Variants in TMEM233 observed in about 807,000 individuals in gnomAD.
The protein encoded by TMEM233 is dispanin subfamily B member 2.
Under a neutral mutation model 11.2 loss-of-function variants are expected in TMEM233, and 6 were observed. That is an observed-to-expected ratio of 0.54 (90% CI 0.29 to 1.06). The LOEUF is 1.06. TMEM233 is among the 50% of genes least tolerant of loss of function. The pLI is 0.08. For missense variants in TMEM233, 127 were observed against 144.7 expected, an observed-to-expected ratio of 0.88 and a Z score of 0.63; for synonymous variants, 59 against 55.8, an observed-to-expected ratio of 1.06 and a Z score of -0.26.
intron 2 of TMEM233, among the ~76,000 whole-genome samples, chr12:119,640,153 G>GTTGTT (rs10678794): frequency 0.76 from 115,251 of 150,984 alleles, 44,174 homozygotes; most frequent in Middle Eastern, 0.85. Context: ...GTTTGTTGTT[G>GTTGTT]TTGTTTTGTT....
At chr12:119,598,767 C>T (rs1276824294) in intron 1 of TMEM233, among the ~76,000 whole-genome samples, 1 of 152,182 alleles carries the variant, frequency 6.6e-6, no homozygotes. Context: ...TGATTTTATG[C>T]AAGTGCCTCG....
chr12:119,642,259 C>T lies in TMEM233; in HGVS notation c.*1554C>T, dbSNP rs1955092357. The T allele has an allele frequency of 6.6e-6, 1 of 152,016 alleles. No individual in the cohort carries two copies. The highest frequency in any genetic ancestry group is 1.5e-5 in the Non-Finnish European group (1 of 68,026). The allele number at this position is 152,016 out of a possible 1,614,324, so 9.4% of individuals were successfully genotyped here. ...GTCAGGAGTTTGAGACCAGCCTGAC[C>T]AACATGGTGAAACTCCATCTCTACT... On this transcript the variant is annotated 3_prime_UTR_variant, in exon 3 of 3. Transcript: ENST00000426426.
chr12:119,596,950 G>A (rs1050971594), intron 1 of TMEM233, among the ~76,000 whole-genome samples: 2 of 152,234 alleles, frequency 1.3e-5, no homozygotes, highest in African/African-American at 4.8e-5. Flanking sequence ...TCAGACAGAT[G>A]TATAGATTTG....
At chr12:119,605,156 A>G (rs1954247724) in intron 1 of TMEM233, among the ~76,000 whole-genome samples, 1 of 151,846 alleles carries the variant, frequency 6.6e-6, no homozygotes, top group South Asian at 2.1e-4. Flanking sequence ...GGTAATTTTT[A>G]TAGTAGTTTA....
At chr12:119,611,944 C>A (rs1360297209) in intron 1 of TMEM233, among the ~76,000 whole-genome samples, 1 of 152,074 alleles carries the variant, frequency 6.6e-6, no homozygotes, top group Non-Finnish European at 1.5e-5. Flanking sequence ...TGTTGGGCCA[C>A]TTTACCGCCA....
chr12:119,610,861 T>TC (rs1954383913), intron 1 of TMEM233, among the ~76,000 whole-genome samples: 1 of 152,146 alleles, frequency 6.6e-6, no homozygotes, highest in Admixed American at 6.5e-5. Context: ...CCCCTGGCAA[T>TC]CTCTATTCTA....
At chr12:119,600,561 G>A (rs529649225) in intron 1 of TMEM233, among the ~76,000 whole-genome samples, 8 of 152,268 alleles carry the variant, frequency 5.3e-5, no homozygotes, top group African/African-American at 1.9e-4. Context: ...GGATGAATAG[G>A]TAAACAAAAT....
chr12:119,619,543 A>T (rs562320596), intron 1 of TMEM233, among the ~76,000 whole-genome samples: 1 of 151,878 alleles, frequency 6.6e-6, no homozygotes, highest in African/African-American at 2.4e-5. Context: ...TGGGAGGCTG[A>T]GGTGGGAAGA....
At chr12:119,607,770 A>T (rs1277958672) in intron 1 of TMEM233, among the ~76,000 whole-genome samples, 1 of 151,760 alleles carries the variant, frequency 6.6e-6, no homozygotes, top group Non-Finnish European at 1.5e-5. Context: ...ATGCATCACC[A>T]CACCCGACTA....
intron 1 of TMEM233, among the ~76,000 whole-genome samples, chr12:119,608,006 T>G (rs1027533262): frequency 6.6e-6 from 1 of 152,204 alleles, no homozygotes. Context: ...TATTCTGATA[T>G]TTTATTCTAG....
intron 1 of TMEM233, among the ~76,000 whole-genome samples, chr12:119,603,165 A>C (rs1954200945): frequency 1.3e-5 from 2 of 152,152 alleles, no homozygotes; most frequent in Non-Finnish European, 2.9e-5. Context: ...AAGCTACCCA[A>C]AAGGCAGAGG....
chr12:119,626,523 GGGAGA>G (rs1566109179), intron 1 of TMEM233, among the ~76,000 whole-genome samples: 617 of 58,754 alleles, frequency 0.011, 54 homozygotes, highest in African/African-American at 0.042. Flanking sequence ...AGGAGGAGAA[GGGAGA>G]AGGGAGAAGG....
downstream of TMEM233, among the ~76,000 whole-genome samples, chr12:119,643,271 T>C (rs1244665402): frequency 6.6e-6 from 1 of 152,236 alleles, no homozygotes; most frequent in Admixed American, 6.5e-5. Flanking sequence ...ATGTTGGTCC[T>C]ATTAAAGTAA....
intron 1 of TMEM233, among the ~76,000 whole-genome samples, chr12:119,625,000 G>C (rs1304235742): frequency 6.6e-6 from 1 of 151,992 alleles, no homozygotes; most frequent in Non-Finnish European, 1.5e-5. Context: ...GAGAACTCCA[G>C]AATTCGTGAC....
chr12:119,630,210 A>C (rs1188468542), intron 2 of TMEM233, among the ~76,000 whole-genome samples: 1 of 152,264 alleles, frequency 6.6e-6, no homozygotes, highest in Non-Finnish European at 1.5e-5. Context: ...CTGCATTGCT[A>C]TAAAGAAATA....
At chr12:119,609,879 C>T (rs915389385) in intron 1 of TMEM233, among the ~76,000 whole-genome samples, 4 of 152,182 alleles carry the variant, frequency 2.6e-5, no homozygotes, top group Non-Finnish European at 5.9e-5. Context: ...GGGTCAGAGC[C>T]CCCCACAGAG....
intron 2 of TMEM233, among the ~76,000 whole-genome samples, chr12:119,636,887 C>T (rs1170731250): frequency 1.3e-5 from 2 of 152,148 alleles, no homozygotes; most frequent in Non-Finnish European, 2.9e-5. Context: ...GGAGGGCGCC[C>T]TACTGGAGAC....
intron 1 of TMEM233, among the ~76,000 whole-genome samples, chr12:119,600,427 C>A (rs1954140099): frequency 1.4e-5 from 2 of 146,028 alleles, no homozygotes; most frequent in African/African-American, 2.5e-5. Context: ...TGAGCTGGAG[C>A]TGAAAAAATA....
intron 1 of TMEM233, among the ~76,000 whole-genome samples, chr12:119,601,679 A>G (rs1954170478): frequency 7.2e-6 from 1 of 138,018 alleles, no homozygotes; most frequent in Non-Finnish European, 1.6e-5. Flanking sequence ...AAAAAAAAAT[A>G]GTGAAAAGAT....
Sources: gnomAD v4.1 joint callset for allele counts (sites outside exome capture counted in the v4.1 genomes callset) on GRCh38, gnomAD v4.1.1 for gene constraint, MANE v1.5 for transcripts, NCBI Gene and HGNC (gene_info 2026-07-23, HGNC 2026-07-21) for gene names.